FIBCD1: variants seen among roughly 807,000 people sequenced by gnomAD.
FIBCD1 encodes the protein fibrinogen C domain containing 1.
Under a neutral mutation model 45.1 loss-of-function variants are expected in FIBCD1, and 47 were observed. That is an observed-to-expected ratio of 1.04 (90% CI 0.82 to 1.33). The LOEUF (loss-of-function observed/expected upper bound fraction) is 1.33. Among genes scored for constraint, FIBCD1 ranks in the 40% most tolerant of loss-of-function variants. The pLI, the probability that FIBCD1 is intolerant of heterozygous loss-of-function variation, is 0.00. For missense variants in FIBCD1, 653 were observed against 682.2 expected (o/e 0.96, Z 0.48); for synonymous variants, 313 against 308.1 (o/e 1.02, Z -0.17).
Position 130,911,812 on chromosome 9 carries a change from A to G in FIBCD1, c.926T>C (p.Leu309Pro). The G allele has an allele frequency of 6.2e-7, 1 of 1,602,916 alleles. No individual in the cohort carries two copies. The highest frequency in any genetic ancestry group is 1.7e-5 in the Admixed American group (1 of 59,154). ...CTCACCTAGCCAGTGCTCCCCGGTG[A>G]GCCTGCCAAAGCCGTCTCGGTACGC... is the stretch of plus-strand genomic sequence containing the variant. ...WDAYRDGFGR[L>P]TGEHWLGLKR... Residue 309 changes from leucine (L) to proline (P), a missense_variant, in exon 5 of 7, where the codon CTC (leucine) becomes CCC (proline). Leu to Pro is a moderately conservative substitution (Grantham distance 98). Coordinates refer to ENST00000372338, the MANE Select transcript of FIBCD1 (RefSeq NM_032843.5).
chr9:130,935,241 G>A (rs1352006968), intron 1 of FIBCD1, among the ~76,000 whole-genome samples: 1 of 152,196 alleles, frequency 6.6e-6, no homozygotes, highest in East Asian at 1.9e-4. Context: ...GTTGGAAGTT[G>A]ACCTCCCTGT....
At chr9:130,935,485 T>C (rs1217640555) in intron 1 of FIBCD1, among the ~76,000 whole-genome samples, 1 of 152,222 alleles carries the variant, frequency 6.6e-6, no homozygotes, top group African/African-American at 2.4e-5. Flanking sequence ...AATCGGCAAC[T>C]TGTCCAAGGT....
upstream of FIBCD1, among the ~76,000 whole-genome samples, chr9:130,940,241 A>T (rs1832600569): frequency 6.6e-6 from 1 of 152,108 alleles, no homozygotes; most frequent in Non-Finnish European, 1.5e-5. Flanking sequence ...GGAGCGGGGG[A>T]CCCTGTGGCC....
Position 130,922,359 on chromosome 9 carries a change from C to T in FIBCD1, c.849+1385G>A, listed in dbSNP as rs968459409. On this transcript the variant is annotated intron_variant, in intron 4 of 6. Coordinates refer to ENST00000372338, the MANE Select transcript of FIBCD1 (RefSeq NM_032843.5). The surrounding 1 kb of genome is among the most constrained non-coding windows in gnomAD (Gnocchi z 4.5). Reference sequence around the variant, plus strand: ...CTCCCAGTCTCTCTCCAGCACACTTCTTCTCAGCTGAGCCCCCCACTTTCT... The same window carrying T: ...CTCCCAGTCTCTCTCCAGCACACTTTTTCTCAGCTGAGCCCCCCACTTTCT... 3.3e-5 allele frequency among the ~76,000 whole-genome samples: 5 copies of T among 152,320 alleles called. No individual in the cohort carries two copies. In the East Asian group the frequency reaches 9.7e-4, roughly 29 times the overall value.
intron 1 of FIBCD1, among the ~76,000 whole-genome samples, chr9:130,933,668 G>C (rs73559707): frequency 1.4e-5 from 2 of 142,714 alleles, no homozygotes; most frequent in Non-Finnish European, 3.0e-5. Flanking sequence ...GGTGACCTCT[G>C]TCCAGGCTAC....
chr9:130,911,139 G>A (rs888455486), intron 5 of FIBCD1, among the ~76,000 whole-genome samples: 2 of 152,192 alleles, frequency 1.3e-5, no homozygotes, highest in African/African-American at 4.8e-5. Flanking sequence ...GGTCCACGCT[G>A]CTTTTATGAG....
At position 130,930,028 on chromosome 9, in the gene FIBCD1, C is replaced by T. The variant is rs1327763768; in HGVS notation, c.91G>A (p.Val31Met). 2.1e-5 allele frequency: 32 copies of T among 1,505,846 alleles called. No individual in the cohort carries two copies. The highest frequency in any genetic ancestry group is 2.7e-5 in the Non-Finnish European group (31 of 1,128,574). The allele number at this position is 1,505,846 out of a possible 1,614,324, so 93.3% of individuals were successfully genotyped here. The change falls in exon 2 of 7, where the codon GTG becomes ATG. Residue 31 changes from valine to methionine, a missense_variant. Physicochemically the swap from Val to Met is conservative, Grantham distance 21 (BLOSUM62 1). Transcript: ENST00000372338. ...DKPQRPSCGY[V>M]LCTVLLALAV... Reference sequence around the variant, plus strand: ...AGGGCCAGCAGCACGGTGCACAGCACGTAGCCGCAGCTCGGCCGCTGCAGG... The same window carrying T: ...AGGGCCAGCAGCACGGTGCACAGCATGTAGCCGCAGCTCGGCCGCTGCAGG...
rs983016022 is a variant in FIBCD1 at position 130,921,749 on chromosome 9, G to A, written c.849+1995C>T. Among the ~76,000 whole-genome samples the A allele has an allele frequency of 9.2e-5, 14 of 152,198 alleles. No homozygotes were observed. The East Asian group carries it at 9.6e-4, about 10-fold the overall frequency. On this transcript the variant is annotated intron_variant, in intron 4 of 6. Transcript: ENST00000372338. Reference sequence around the variant, plus strand: ...CTGGTGCCTCCTCACTGTTCCGCCCGCCAAGGGGTTCCCAGAAGCAAATGC... The same window carrying A: ...CTGGTGCCTCCTCACTGTTCCGCCCACCAAGGGGTTCCCAGAAGCAAATGC...
chr9:130,915,696 CTG>C lies in FIBCD1; in HGVS notation c.850-3810_850-3809del, dbSNP rs764607842. Among the ~76,000 whole-genome samples, 67 of 151,290 alleles carry C rather than the reference CTG, an allele frequency of 4.4e-4. No individual in the cohort carries two copies. In the East Asian group the frequency reaches 0.012, roughly 26 times the overall value. On this transcript the variant is annotated intron_variant, in intron 4 of 6. Transcript: ENST00000372338. ...CAACCTGAGTGATAAGAGCGAGACT[CTG>C]TCTCAAAAAAATAAAAAAATAAACT...
Position 130,909,369 on chromosome 9 carries a change from G to A in FIBCD1, c.946+2423C>T, listed in dbSNP as rs542145158. On this transcript the variant is annotated intron_variant, in intron 5 of 6. Coordinates refer to ENST00000372338, the MANE Select transcript of FIBCD1 (RefSeq NM_032843.5). Reference sequence around the variant, plus strand: ...AGGACACTGTGGGGCATTCGAGGCCGCCCAGATGACACTCGGGGCACACAT... The same window carrying A: ...AGGACACTGTGGGGCATTCGAGGCCACCCAGATGACACTCGGGGCACACAT... Among the ~76,000 whole-genome samples, 10 of 152,068 alleles carry A rather than the reference G, an allele frequency of 6.6e-5. No individual in the cohort carries two copies. The South Asian group carries it at 2.1e-3, about 32-fold the overall frequency.
intron 3 of FIBCD1, among the ~76,000 whole-genome samples, 172 bp from the exon 4 acceptor site, chr9:130,924,052 G>A (rs1832311768): frequency 6.6e-6 from 1 of 152,232 alleles, no homozygotes; most frequent in African/African-American, 2.4e-5. Context: ...CTGGGTGAGA[G>A]AATCACCCTC....
Position 130,905,373 on chromosome 9 carries a change from G to T in FIBCD1, c.987C>A (p.Tyr329Ter). ...RIHALTTQAA[Y>*]ELHVDLEDFE... ...AGTCCTCCAGGTCCACGTGCAGCTCGTAGGCAGCCTGTGTGGTCAGGGCGT... is the reference window on the plus strand; with the variant it reads ...AGTCCTCCAGGTCCACGTGCAGCTCTTAGGCAGCCTGTGTGGTCAGGGCGT... The change falls in exon 6 of 7, where the codon TAC (tyrosine) becomes TAA (stop). Residue 329 changes from tyrosine (Y) to a stop codon, truncating the protein, a stop_gained. Transcript: ENST00000372338. LOFTEE classifies it high-confidence loss of function. 1.9e-6 allele frequency: 3 copies of T among 1,614,006 alleles called. No individual in the cohort carries two copies. Among genetic ancestry groups the T allele is most frequent in the Non-Finnish European group, 2.5e-6 (3 of 1,179,958 alleles).
intron 1 of FIBCD1, 150 bp downstream of exon 1, chr9:130,938,386 G>A: frequency 1.7e-6 from 1 of 580,070 alleles, no homozygotes; most frequent in Non-Finnish European, 2.7e-6. Context: ...GGGAGGAGGA[G>A]AGGAGGGTCC....
Position 130,911,679 on chromosome 9 carries a change from C to T in FIBCD1, c.946+113G>A, listed in dbSNP as rs112808686. 3,037 of 885,074 alleles carry T rather than the reference C, an allele frequency of 3.4e-3. 59 individuals are homozygous for T. The African/African-American group carries it at 0.044, about 13-fold the overall frequency. 54.8% of individuals were successfully genotyped at this position (885,074 alleles called of 1,614,324 possible). On this transcript the variant is annotated intron_variant, in intron 5 of 6. Coordinates refer to ENST00000372338, the MANE Select transcript of FIBCD1 (RefSeq NM_032843.5). ...CACCTGTGAGCTGGCTCAGGTGTGC[C>T]GAGGCCAGGGAAACCCAGCCCAAAC... is the stretch of plus-strand genomic sequence containing the variant.
chr9:130,913,545 G>C (rs1196530120), intron 4 of FIBCD1, among the ~76,000 whole-genome samples: 1 of 152,232 alleles, frequency 6.6e-6, no homozygotes, highest in East Asian at 1.9e-4. Flanking sequence ...GCTGGAGGGA[G>C]ATGACACCTC....
intron 1 of FIBCD1, among the ~76,000 whole-genome samples, chr9:130,933,320 G>A (rs903072307): frequency 6.6e-6 from 1 of 152,208 alleles, no homozygotes; most frequent in Non-Finnish European, 1.5e-5. Context: ...TGAGGCTGGA[G>A]CTGATTCATC....
intron 5 of FIBCD1, among the ~76,000 whole-genome samples, chr9:130,909,451 C>T (rs967832480): frequency 1.3e-5 from 2 of 152,070 alleles, no homozygotes; most frequent in African/African-American, 4.8e-5. Flanking sequence ...TGACTGCTCC[C>T]GGGGGTACAG....
upstream of FIBCD1, among the ~76,000 whole-genome samples, chr9:130,940,027 C>T (rs1017279799): frequency 6.6e-6 from 1 of 152,096 alleles, no homozygotes; most frequent in Non-Finnish European, 1.5e-5. Context: ...CCCCGCTTCT[C>T]CCCAAAGCTG....
In FIBCD1 at chr9:130,906,293, G is replaced by A. The variant is rs376961165; in HGVS notation, c.947-880C>T. ...TGGTGTGGTTACTCTTGATTAAGAG[G>A]GCATTTAATGAAATGTTTCACAAGT... On this transcript the variant is annotated intron_variant, in intron 5 of 6. Transcript: ENST00000372338. Among the ~76,000 whole-genome samples, 9 of 152,268 alleles carry A rather than the reference G, an allele frequency of 5.9e-5. No homozygotes were observed. The East Asian group carries it at 1.7e-3, about 29-fold the overall frequency.
Sources: gnomAD v4.1 joint callset for allele counts (sites outside exome capture counted in the v4.1 genomes callset) on GRCh38, gnomAD v4.1.1 for gene constraint, Gnocchi (gnomAD v3.1) non-coding constraint, MANE v1.5 for transcripts, NCBI Gene and HGNC (gene_info 2026-07-23, HGNC 2026-07-21) for gene names.